LDLRAD4: variants seen among roughly 807,000 people sequenced by gnomAD.
LDLRAD4 encodes the protein low density lipoprotein receptor class A domain containing 4, also known as low-density lipoprotein receptor class A domain-containing protein 4.
Under a neutral mutation model 17.0 loss-of-function variants are expected in LDLRAD4, and 5 were observed. The ratio of observed to expected loss-of-function variants is 0.29; its 90% CI spans 0.15 to 0.62. The LOEUF (loss-of-function observed/expected upper bound fraction) is 0.62. Among genes scored for constraint, LDLRAD4 ranks in the 20% least tolerant of loss-of-function variants. The probability of loss-of-function intolerance (pLI) is 0.84; values close to 1 mark genes in which losing one functional copy is unlikely to be tolerated. For missense variants in LDLRAD4, 340 were observed against 424.7 expected (o/e 0.80, Z 1.75); for synonymous variants, 168 against 171.8 (o/e 0.98, Z 0.17).
upstream of LDLRAD4, among the ~76,000 whole-genome samples, chr18:13,277,462 A>T (rs1187500253): frequency 1.3e-5 from 2 of 152,200 alleles, no homozygotes; most frequent in African/African-American, 2.4e-5. Flanking sequence ...TGGGATGGGG[A>T]TGCCAGTGAC....
At chr18:13,224,699 C>T (rs2041670777) in intron 1 of LDLRAD4, among the ~76,000 whole-genome samples, 1 of 151,388 alleles carries the variant, frequency 6.6e-6, no homozygotes, top group Non-Finnish European at 1.5e-5. Flanking sequence ...CCAGGATGGT[C>T]TTGATCTCCT....
intron 1 of LDLRAD4, among the ~76,000 whole-genome samples, chr18:13,298,463 TGGGCACGGTGATGGAGCTGCTCC>T (rs1321160414): frequency 5.0e-5 from 7 of 139,762 alleles, no homozygotes; most frequent in East Asian, 4.4e-4. Context: ...TTTGCTGCTC[TGGGCACGGTGATGGAGCTGCTCC>T]GGGCACGGTG....
At chr18:13,362,739 A>G (rs2144671724) in intron 1 of LDLRAD4, among the ~76,000 whole-genome samples, 1 of 152,364 alleles carries the variant, frequency 6.6e-6, no homozygotes, top group South Asian at 2.1e-4. Context: ...ATAAACGTTA[A>G]GTTATTCTTG....
chr18:13,249,359 C>T (rs1425417912), intron 1 of LDLRAD4, among the ~76,000 whole-genome samples: 1 of 152,172 alleles, frequency 6.6e-6, no homozygotes, highest in Non-Finnish European at 1.5e-5. Flanking sequence ...GCTTACATTC[C>T]CACCAACAGT....
chr18:13,240,870 C>T (rs2042605500), intron 1 of LDLRAD4: 2 of 151,850 alleles, frequency 1.3e-5, no homozygotes, highest in Non-Finnish European at 1.5e-5. Flanking sequence ...TCTAATCTCA[C>T]GATTTTTGCC....
chr18:13,344,027 T>C (rs2082534703), intron 1 of LDLRAD4, among the ~76,000 whole-genome samples: 1 of 152,224 alleles, frequency 6.6e-6, no homozygotes, highest in African/African-American at 2.4e-5. Context: ...TCCCATTCTG[T>C]AGGTTGCCTG....
At chr18:13,650,662 T>C (rs1391215325) in exon 6 of LDLRAD4, 3 of 284,046 alleles carry the variant, frequency 1.1e-5, no homozygotes, top group African/African-American at 6.5e-5. Flanking sequence ...ATAAGTTGAA[T>C]ATATTATGCA....
intron 1 of LDLRAD4, among the ~76,000 whole-genome samples, chr18:13,319,208 T>A (rs964947556): frequency 1.3e-5 from 2 of 152,206 alleles, no homozygotes; most frequent in African/African-American, 4.8e-5. Flanking sequence ...GTGGACTTTA[T>A]GGTGCAGAAA....
chr18:13,450,836 A>AC (rs2091787656), intron 3 of LDLRAD4, among the ~76,000 whole-genome samples: 1 of 152,008 alleles, frequency 6.6e-6, no homozygotes, highest in Admixed American at 6.6e-5. Context: ...TCGTGGGGAG[A>AC]CGCCTGGGCA....
intron 3 of LDLRAD4, among the ~76,000 whole-genome samples, chr18:13,539,245 A>G (rs769769354): frequency 2.0e-5 from 3 of 152,202 alleles, no homozygotes; most frequent in Non-Finnish European, 2.9e-5. Context: ...GGTGGGGAGC[A>G]TGTGACTGTG....
At position 13,482,422 on chromosome 18, in the gene LDLRAD4, G is replaced by A. The variant is rs193013478; in HGVS notation, c.181+44038G>A. ...TTCCCCACAGCTGACTCCCATGAGCGTGAGCACACGGAAGCTCTGTATTGG... is the reference window on the plus strand; with the variant it reads ...TTCCCCACAGCTGACTCCCATGAGCATGAGCACACGGAAGCTCTGTATTGG... On this transcript the variant is annotated intron_variant, in intron 3 of 5. Coordinates refer to ENST00000359446, the Ensembl canonical transcript of LDLRAD4. Among the ~76,000 whole-genome samples the A allele has an allele frequency of 7.9e-5, 12 of 152,362 alleles. No individual in the cohort carries two copies. The East Asian group carries it at 1.9e-3, about 24-fold the overall frequency.
chr18:13,241,094 A>G (rs1000025389), intron 1 of LDLRAD4: 3 of 151,612 alleles, frequency 2.0e-5, no homozygotes, highest in African/African-American at 7.3e-5. Flanking sequence ...TACCCGGCCA[A>G]TTTTGTATTT....
At chr18:13,500,720 T>G (rs2093600309) in intron 3 of LDLRAD4, 1 of 152,216 alleles carries the variant, frequency 6.6e-6, no homozygotes, top group Non-Finnish European at 1.5e-5. Context: ...AGCCCTGAGC[T>G]GCTTTAAATG....
At chr18:13,268,098 CTTAAGT>C (rs759263128) in intron 1 of LDLRAD4, among the ~76,000 whole-genome samples, 6 of 152,198 alleles carry the variant, frequency 3.9e-5, no homozygotes, top group Admixed American at 6.5e-5. Flanking sequence ...ATATTTTCCT[CTTAAGT>C]TTAAGACTAT....
In LDLRAD4 at chr18:13,638,244, G is replaced by C. The variant is rs557178458; in HGVS notation, c.337-5115G>C. On this transcript the variant is annotated intron_variant, in intron 4 of 5. Transcript: ENST00000359446. ...ATTTATGAAAATGTGCTGCTCTCCA[G>C]CCTGGGCAACATAGACTTTGTCTCT... is the stretch of plus-strand genomic sequence containing the variant. Among the ~76,000 whole-genome samples, 59 of 152,276 alleles carry C rather than the reference G, an allele frequency of 3.9e-4. No homozygotes were observed. The South Asian group carries it at 0.012, about 30-fold the overall frequency.
rs376140002 is a variant in LDLRAD4 at position 13,621,309 on chromosome 18, G to C, written c.336+38G>C. ...GCCGCCCCGGCTCCAGAGTCAGGCAGCTGCAAGAGGCTTAGGAGCCCATCA... is the reference window on the plus strand; with the variant it reads ...GCCGCCCCGGCTCCAGAGTCAGGCACCTGCAAGAGGCTTAGGAGCCCATCA... On this transcript the variant is annotated intron_variant, in intron 4 of 5. Coordinates refer to ENST00000359446, the Ensembl canonical transcript of LDLRAD4. This position sits in a 1 kb window ranked among gnomAD's most constrained non-coding sequence, Gnocchi z 5.5. The C allele has an allele frequency of 1.9e-3, 2,893 of 1,527,360 alleles. 5 individuals carry two copies. Among genetic ancestry groups the C allele is most frequent in the Middle Eastern group, 5.3e-3 (31 of 5,852 alleles). 94.6% of individuals were successfully genotyped at this position (1,527,360 alleles called of 1,614,324 possible).
chr18:13,492,507 G>T (rs1407775055), intron 3 of LDLRAD4, among the ~76,000 whole-genome samples: 2 of 152,138 alleles, frequency 1.3e-5, no homozygotes, highest in Non-Finnish European at 2.9e-5. Context: ...GGGAGTAGCA[G>T]CTCCTTGGCA....
intron 1 of LDLRAD4, among the ~76,000 whole-genome samples, chr18:13,365,362 G>T (rs948535412): frequency 6.6e-6 from 1 of 152,228 alleles, no homozygotes; most frequent in African/African-American, 2.4e-5. Context: ...ATTCATTAAT[G>T]CCACCTGAGG....
intron 3 of LDLRAD4, among the ~76,000 whole-genome samples, chr18:13,608,990 A>G (rs1038455565): frequency 2.6e-5 from 4 of 151,330 alleles, no homozygotes. Flanking sequence ...CTGCACACAC[A>G]GATGCCTCCT....
Sources: gnomAD v4.1 joint callset for allele counts (sites outside exome capture counted in the v4.1 genomes callset) on GRCh38, gnomAD v4.1.1 for gene constraint, Gnocchi (gnomAD v3.1) non-coding constraint, MANE v1.5 for transcripts, NCBI Gene and HGNC (gene_info 2026-07-23, HGNC 2026-07-21) for gene names.